MARCHF8: variants seen among roughly 807,000 people sequenced by gnomAD.
MARCHF8 encodes the protein E3 ubiquitin-protein ligase MARCHF8.
MARCHF8 carries 40 observed loss-of-function variants against 51.6 expected under a neutral mutation model. The observed-to-expected ratio is 0.77, with a 90% CI of 0.60 to 1.01. MARCHF8 has a LOEUF of 1.01. Among genes scored for constraint, MARCHF8 ranks in the 50% least tolerant of loss-of-function variants. MARCHF8 has a pLI of 0.00. For synonymous variants in MARCHF8, 263 were observed against 280.3 expected, an observed-to-expected ratio of 0.94 and a Z score of 0.62; for missense variants, 685 against 708.6, an observed-to-expected ratio of 0.97 and a Z score of 0.38.
upstream of MARCHF8, among the ~76,000 whole-genome samples, chr10:45,538,273 A>AT (rs2044002306): frequency 6.6e-6 from 1 of 152,210 alleles, no homozygotes; most frequent in Admixed American, 6.5e-5. Flanking sequence ...ATGCTGAGAG[A>AT]TTTTGTCACC....
intron 3 of MARCHF8, among the ~76,000 whole-genome samples, chr10:45,475,005 C>A (rs1409115096): frequency 6.6e-6 from 1 of 152,178 alleles, no homozygotes; most frequent in Non-Finnish European, 1.5e-5. Context: ...AAGGCAGCTA[C>A]AAGAAGACAC....
intron 1 of MARCHF8, among the ~76,000 whole-genome samples, chr10:45,546,533 G>C (rs1288759696): frequency 1.3e-5 from 2 of 152,044 alleles, no homozygotes; most frequent in Non-Finnish European, 2.9e-5. Context: ...TGTAATCCTG[G>C]CACTTTAGGA....
intron 1 of MARCHF8, among the ~76,000 whole-genome samples, chr10:45,540,522 T>C (rs1369211659): frequency 6.6e-6 from 1 of 152,108 alleles, no homozygotes; most frequent in Non-Finnish European, 1.5e-5. Flanking sequence ...GGACTTCATG[T>C]CTAAAACACC....
At chr10:45,537,899 C>T (rs2043996085), upstream of MARCHF8, among the ~76,000 whole-genome samples, 1 of 151,978 alleles carries the variant, frequency 6.6e-6, no homozygotes, top group African/African-American at 2.4e-5. Context: ...GCAGAACTTT[C>T]GAGTATATTA....
intron 1 of MARCHF8, among the ~76,000 whole-genome samples, chr10:45,542,433 T>C (rs759723477): frequency 1.3e-5 from 2 of 148,928 alleles, no homozygotes; most frequent in African/African-American, 2.5e-5. Context: ...TATTCAAAAC[T>C]ATACTTATGC....
intron 1 of MARCHF8, among the ~76,000 whole-genome samples, chr10:45,590,691 AT>A (rs1350476404): frequency 6.6e-6 from 1 of 152,230 alleles, no homozygotes; most frequent in Non-Finnish European, 1.5e-5. Flanking sequence ...AGCAAACAAT[AT>A]TTTGGGGGGA....
intron 1 of MARCHF8, among the ~76,000 whole-genome samples, chr10:45,547,543 A>G (rs2133327546): frequency 6.6e-6 from 1 of 152,318 alleles, no homozygotes; most frequent in East Asian, 1.9e-4. Flanking sequence ...ATGGATAAAA[A>G]TGCACAACTT....
In MARCHF8 at chr10:45,504,317, G is replaced by C. The variant is rs1019569949; in HGVS notation, c.103-14900C>G. On this transcript the variant is annotated intron_variant, in intron 2 of 7. Coordinates refer to ENST00000453424, the MANE Select transcript of MARCHF8 (RefSeq NM_001282866.2). ...AAAATTAGTGGGCAAGGTGGCACAT[G>C]CCTGTAATCCAAGCTACTTGGGAGG... is the stretch of plus-strand genomic sequence containing the variant. Among the ~76,000 whole-genome samples the C allele has an allele frequency of 2.0e-5, 3 of 152,202 alleles. No individual in the cohort carries two copies. In the South Asian group the frequency reaches 6.2e-4, roughly 31 times the overall value.
intron 1 of MARCHF8, among the ~76,000 whole-genome samples, chr10:45,580,321 C>A (rs1361627447): frequency 6.6e-6 from 1 of 151,910 alleles, no homozygotes; most frequent in African/African-American, 2.4e-5. Flanking sequence ...AAAAAAAATT[C>A]ATAAAGCTCA....
chr10:45,502,060 C>A lies in MARCHF8; in HGVS notation c.103-12643G>T, dbSNP rs143749105. On this transcript the variant is annotated intron_variant, in intron 2 of 7. Coordinates refer to ENST00000453424, the MANE Select transcript of MARCHF8 (RefSeq NM_001282866.2). ...TGCAGGAAAATAAAATGACAGTTATCCTGGAAAAAACTTTGGAAGTTTCTT... is the reference window on the plus strand; with the variant it reads ...TGCAGGAAAATAAAATGACAGTTATACTGGAAAAAACTTTGGAAGTTTCTT... Among the ~76,000 whole-genome samples the A allele has an allele frequency of 2.5e-3, 384 of 152,062 alleles. 3 individuals carry two copies. Among genetic ancestry groups the A allele is most frequent in the African/African-American group, 8.6e-3 (356 of 41,500 alleles).
intron 1 of MARCHF8, among the ~76,000 whole-genome samples, chr10:45,571,089 A>G (rs2044423484): frequency 1.3e-5 from 2 of 152,216 alleles, no homozygotes; most frequent in African/African-American, 4.8e-5. Context: ...ATATAAAAGT[A>G]TATGAAATAT....
At chr10:45,485,550 C>T (rs1305974387) in intron 3 of MARCHF8, among the ~76,000 whole-genome samples, 1 of 152,234 alleles carries the variant, frequency 6.6e-6, no homozygotes, top group Non-Finnish European at 1.5e-5. Flanking sequence ...CTAGCAGCCT[C>T]ATAAACATCT....
At chr10:45,540,267 A>G (rs1046017223), upstream of MARCHF8, among the ~76,000 whole-genome samples, 2 of 152,212 alleles carry the variant, frequency 1.3e-5, no homozygotes, top group Non-Finnish European at 2.9e-5. Flanking sequence ...AAAAGAACAA[A>G]GCTGGAGGCA....
chr10:45,501,095 C>T (rs1017143912), intron 2 of MARCHF8, among the ~76,000 whole-genome samples: 12 of 151,606 alleles, frequency 7.9e-5, no homozygotes, highest in African/African-American at 1.2e-4. Context: ...CAACTCTTCC[C>T]CAAATTGATA....
Position 45,503,437 on chromosome 10 carries a change from G to A in MARCHF8, c.103-14020C>T, listed in dbSNP as rs530001743. On this transcript the variant is annotated intron_variant, in intron 2 of 7. Coordinates refer to ENST00000453424, the MANE Select transcript of MARCHF8 (RefSeq NM_001282866.2). The stretch of plus-strand genomic sequence containing the variant: ...TGTAATCCCAGCTACTCAGGATGCT[G>A]AGGCAGGAGAATTGCTTGAGCCCGG... Among the ~76,000 whole-genome samples, 4 of 152,190 alleles carry A rather than the reference G, an allele frequency of 2.6e-5. No individual in the cohort carries two copies. The East Asian group carries it at 7.7e-4, about 29-fold the overall frequency.
At chr10:45,476,069 A>C (rs1386419071) in intron 3 of MARCHF8, among the ~76,000 whole-genome samples, 1 of 152,016 alleles carries the variant, frequency 6.6e-6, no homozygotes, top group Non-Finnish European at 1.5e-5. Context: ...CTCAGGAAAA[A>C]CTCCTCTCCT....
chr10:45,494,047 T>C (rs1197123852), intron 2 of MARCHF8, among the ~76,000 whole-genome samples: 1 of 152,194 alleles, frequency 6.6e-6, no homozygotes, highest in East Asian at 1.9e-4. Context: ...TACAAATCAA[T>C]CAATCAGGAA....
intron 2 of MARCHF8, among the ~76,000 whole-genome samples, chr10:45,501,966 A>AT (rs934200052): frequency 5.9e-5 from 9 of 151,864 alleles, no homozygotes; most frequent in African/African-American, 1.7e-4. Flanking sequence ...ATGGCTAAAA[A>AT]TTTTTTTTTA....
chr10:45,514,868 C>T (rs71496607), intron 2 of MARCHF8, among the ~76,000 whole-genome samples: 9,376 of 152,108 alleles, frequency 0.062, 330 homozygotes, highest in Non-Finnish European at 0.066. Flanking sequence ...TTTTTCCCCA[C>T]AAAACCCACC....
Sources: allele counts gnomAD v4.1 joint callset (sites outside exome capture counted in the v4.1 genomes callset), GRCh38; gene constraint gnomAD v4.1.1; transcripts MANE v1.5; gene names NCBI Gene and HGNC (gene_info 2026-07-23, HGNC 2026-07-21).